VPS13A: variants seen among roughly 807,000 people sequenced by gnomAD.
VPS13A encodes vacuolar protein sorting 13 homolog A.
Under a neutral mutation model 390.9 loss-of-function variants are expected in VPS13A, and 264 were observed. That is an observed-to-expected ratio of 0.68 (90% CI 0.61 to 0.75). The LOEUF (loss-of-function observed/expected upper bound fraction) is 0.75. Among genes scored for constraint, VPS13A ranks in the 30% least tolerant of loss-of-function variants. The pLI, the probability that VPS13A is intolerant of heterozygous loss-of-function variation, is 0.00. For missense variants in VPS13A, 3,409 were observed against 3,733.9 expected, an observed-to-expected ratio of 0.91 and a Z score of 2.27; for synonymous variants, 1,231 against 1,227.1, an observed-to-expected ratio of 1.00 and a Z score of -0.07.
intron 23 of VPS13A, among the ~76,000 whole-genome samples, chr9:77,272,374 G>A (rs1826400252): frequency 6.6e-6 from 1 of 152,150 alleles, no homozygotes; most frequent in African/African-American, 2.4e-5. Flanking sequence ...TTATCCACAA[G>A]CACCTATGGG....
Position 77,344,946 on chromosome 9 carries a change from G to A in VPS13A, c.7156-63G>A, listed in dbSNP as rs1831065841. The A allele has an allele frequency of 9.0e-6, 14 of 1,550,536 alleles. No individual in the cohort carries two copies. The South Asian group carries it at 1.3e-4, about 15-fold the overall frequency. On this transcript the variant is annotated intron_variant, in intron 51 of 71. Coordinates refer to ENST00000360280, the MANE Select transcript of VPS13A (RefSeq NM_033305.3). ...AGTTATGAATAGTCTGTTCTTAAAT[G>A]TTATTAGTTAATATTCTTGGGAAAA... is the stretch of plus-strand genomic sequence containing the variant.
chr9:77,226,322 G>A, intron 14 of VPS13A, 144 bp from the exon 15 acceptor site: 1 of 735,216 alleles, frequency 1.4e-6, no homozygotes, highest in Non-Finnish European at 2.2e-6. Context: ...TAATGTTGCA[G>A]TTTCTGTGTT....
chr9:77,402,177 C>T (rs1834421759), intron 68 of VPS13A, among the ~76,000 whole-genome samples: 1 of 152,140 alleles, frequency 6.6e-6, no homozygotes, highest in African/African-American at 2.4e-5. Flanking sequence ...TTCTTTTCCT[C>T]AATATTTTAT....
At chr9:77,294,487 TGTA>T (rs1282515962) in intron 32 of VPS13A, among the ~76,000 whole-genome samples, 1 of 152,178 alleles carries the variant, frequency 6.6e-6, no homozygotes, top group African/African-American at 2.4e-5. Flanking sequence ...AATCTAAGGC[TGTA>T]GTGGAATAAA....
intron 24 of VPS13A, among the ~76,000 whole-genome samples, chr9:77,274,155 C>A (rs898381607): frequency 6.6e-6 from 1 of 152,060 alleles, no homozygotes; most frequent in Non-Finnish European, 1.5e-5. Flanking sequence ...ACCAGCCAGG[C>A]GCAGTGGCTC....
At chr9:77,256,432 G>C (rs1825448474) in intron 22 of VPS13A, among the ~76,000 whole-genome samples, 1 of 152,098 alleles carries the variant, frequency 6.6e-6, no homozygotes, top group South Asian at 2.1e-4. Context: ...CCTGGAGAAT[G>C]TTTCATATGC....
chr9:77,331,009 A>T (rs565206122), intron 45 of VPS13A, among the ~76,000 whole-genome samples: 1 of 152,254 alleles, frequency 6.6e-6, no homozygotes, highest in East Asian at 1.9e-4. Context: ...TTCTGTTTTC[A>T]TTCAGATATT....
chr9:77,194,369 GC>G (rs1353111346), intron 1 of VPS13A, among the ~76,000 whole-genome samples: 7 of 151,768 alleles, frequency 4.6e-5, no homozygotes, highest in Non-Finnish European at 2.9e-5. Context: ...GTTGGGGGGG[GC>G]GCTCAAATCT....
intron 22 of VPS13A, among the ~76,000 whole-genome samples, chr9:77,255,110 A>G (rs1031787042): frequency 2.0e-5 from 3 of 152,114 alleles, no homozygotes; most frequent in Non-Finnish European, 2.9e-5. Context: ...ACCATTGAGT[A>G]TGATGTCAGC....
intron 67 of VPS13A, among the ~76,000 whole-genome samples, chr9:77,376,609 GGTT>G (rs1411779390): frequency 3.3e-5 from 5 of 152,176 alleles, no homozygotes; most frequent in African/African-American, 1.2e-4. Context: ...GGAAGGGTGA[GGTT>G]GTCGTTCTTT....
chr9:77,376,260 G>A (rs1246441797), intron 67 of VPS13A, among the ~76,000 whole-genome samples: 3 of 152,160 alleles, frequency 2.0e-5, no homozygotes, highest in African/African-American at 7.2e-5. Flanking sequence ...CAGGGAACAT[G>A]CGGGGAATCA....
chr9:77,220,499 A>G (rs1163700967), intron 12 of VPS13A, 116 bp downstream of exon 12: 12 of 729,332 alleles, frequency 1.6e-5, no homozygotes, highest in Non-Finnish European at 2.7e-5. Flanking sequence ...GATACAAACC[A>G]TAATTGATTT....
At chr9:77,363,517 C>T (rs1267658267) in intron 59 of VPS13A, among the ~76,000 whole-genome samples, 1 of 149,348 alleles carries the variant, frequency 6.7e-6, no homozygotes, top group Non-Finnish European at 1.5e-5. Flanking sequence ...GTGCAATTCT[C>T]GTTTTTCAGC....
intron 67 of VPS13A, 27 bp from the exon 68 acceptor site, chr9:77,381,949 A>C (rs761226951): frequency 6.8e-7 from 1 of 1,471,122 alleles, no homozygotes. Context: ...TAATTTTTAA[A>C]ATAAAGTTAT....
At chr9:77,396,734 A>G (rs1419506918) in intron 68 of VPS13A, among the ~76,000 whole-genome samples, 1 of 152,166 alleles carries the variant, frequency 6.6e-6, no homozygotes, top group African/African-American at 2.4e-5. Context: ...TCTAAAGATA[A>G]GATTGTTTTG....
rs1322398332 is a variant in VPS13A at position 77,314,477 on chromosome 9, T to G, written c.4243-18T>G. ...CTTGTGTTTCTTTGTAATTTTGTGTTGGTTTCTCCTTTCATAGGCTTCCTT... is the reference window on the plus strand; with the variant it reads ...CTTGTGTTTCTTTGTAATTTTGTGTGGGTTTCTCCTTTCATAGGCTTCCTT... On this transcript the variant is annotated intron_variant, in intron 36 of 71. Transcript: ENST00000360280. The G allele has an allele frequency of 2.5e-6, 4 of 1,609,066 alleles. No homozygotes were observed. Among genetic ancestry groups the G allele is most frequent in the Non-Finnish European group, 3.4e-6 (4 of 1,177,668 alleles).
chr9:77,307,859 T>C, intron 34 of VPS13A, 86 bp from the exon 35 acceptor site: 1 of 1,128,164 alleles, frequency 8.9e-7, no homozygotes, highest in East Asian at 2.6e-5. Context: ...CAGTCTTTCA[T>C]TTTTCTCCTC....
At position 77,358,456 on chromosome 9, in the gene VPS13A, G is replaced by T. The variant is rs779269070; in HGVS notation, c.8035+18G>T. 1.9e-6 allele frequency: 3 copies of T among 1,593,960 alleles called. No individual in the cohort carries two copies. The highest frequency in any genetic ancestry group is 1.7e-5 in the Admixed American group (1 of 59,938). On this transcript the variant is annotated intron_variant, in intron 57 of 71. Transcript: ENST00000360280. The stretch of plus-strand genomic sequence containing the variant: ...GGATTCAGGTTTGTTTTTATTTTTA[G>T]ATTTCCATAAAAGCAGTTGTATTAG...
rs528664919 is a variant in VPS13A at position 77,304,937 on chromosome 9, T to C, written c.3960+1875T>C. 7.4e-5 allele frequency among the ~76,000 whole-genome samples: 11 copies of C among 149,588 alleles called. No homozygotes were observed. In the South Asian group the frequency reaches 2.3e-3, roughly 31 times the overall value. ...CCATCATTTTAGAGATTTCAGACTT[T>C]TTTTCTTTTTTTTTTTTTTGAGATG... On this transcript the variant is annotated intron_variant, in intron 34 of 71. Coordinates refer to ENST00000360280, the MANE Select transcript of VPS13A (RefSeq NM_033305.3).
Sources: allele counts gnomAD v4.1 joint callset (sites outside exome capture counted in the v4.1 genomes callset), GRCh38; gene constraint gnomAD v4.1.1; transcripts MANE v1.5; gene names NCBI Gene and HGNC (gene_info 2026-07-23, HGNC 2026-07-21).